Variants in GMDS observed in about 807,000 individuals in gnomAD.
GMDS encodes GDP-mannose 4,6-dehydratase.
In GMDS, 20 loss-of-function variants were observed where a neutral mutation model predicts 49.9. The observed-to-expected ratio is 0.40, with a 90% CI of 0.28 to 0.58. The LOEUF (loss-of-function observed/expected upper bound fraction) is 0.58, where lower values mean the gene tolerates loss of function less well. Among genes scored for constraint, GMDS ranks in the 20% least tolerant of loss-of-function variants. The pLI, the probability that GMDS is intolerant of heterozygous loss-of-function variation, is 0.42. For synonymous variants in GMDS, 177 were observed against 178.6 expected, an observed-to-expected ratio of 0.99 and a Z score of 0.07; for missense variants, 362 against 481.4, an observed-to-expected ratio of 0.75 and a Z score of 2.32.
At chr6:2,176,896 G>A (rs1778308564) in intron 1 of GMDS, among the ~76,000 whole-genome samples, 1 of 152,120 alleles carries the variant, frequency 6.6e-6, no homozygotes. Flanking sequence ...GAAAAGATGT[G>A]GCCATCAAGG....
intron 7 of GMDS, among the ~76,000 whole-genome samples, chr6:1,767,806 C>A (rs1289617644): frequency 2.2e-4 from 33 of 152,178 alleles, no homozygotes; most frequent in Non-Finnish European, 4.4e-5. Context: ...CATGAGATAA[C>A]TTTGGACTCT....
At chr6:2,056,100 A>T (rs1770761073) in intron 4 of GMDS, among the ~76,000 whole-genome samples, 1 of 152,166 alleles carries the variant, frequency 6.6e-6, no homozygotes, top group Admixed American at 6.5e-5. Flanking sequence ...CTGAACCAAA[A>T]CATTCTACTG....
At chr6:2,152,296 G>A (rs537609664) in intron 1 of GMDS, among the ~76,000 whole-genome samples, 88 of 152,176 alleles carry the variant, frequency 5.8e-4, no homozygotes, top group South Asian at 2.3e-3. Context: ...TTTAAAAAAC[G>A]TAGAATTTGT....
intron 1 of GMDS, among the ~76,000 whole-genome samples, chr6:2,236,147 G>A (rs1248850379): frequency 6.6e-6 from 1 of 152,110 alleles, no homozygotes; most frequent in South Asian, 2.1e-4. Flanking sequence ...TAAAAAATTG[G>A]GGTTTCCCAA....
chr6:1,890,045 G>A (rs1025867742), intron 7 of GMDS, among the ~76,000 whole-genome samples: 3 of 151,516 alleles, frequency 2.0e-5, no homozygotes, highest in African/African-American at 7.3e-5. Context: ...CCACTTTTTG[G>A]CTATTGTGAA....
chr6:1,962,572 T>C (rs1764015573), intron 4 of GMDS, among the ~76,000 whole-genome samples: 2 of 152,196 alleles, frequency 1.3e-5, no homozygotes, highest in Non-Finnish European at 2.9e-5. Context: ...TGGTCTTTTT[T>C]GTTATATCCA....
In GMDS at chr6:1,735,673, T is replaced by A. The variant is rs916141440; in HGVS notation, c.890+6795A>T. Reference sequence around the variant, plus strand: ...CTTTTCTCATGCCCTCCCACCCACCTGGAATGTCTTCCTCCTTCCTATCAT... The same window carrying A: ...CTTTTCTCATGCCCTCCCACCCACCAGGAATGTCTTCCTCCTTCCTATCAT... On this transcript the variant is annotated intron_variant, in intron 8 of 10. Transcript: ENST00000380815. Among the ~76,000 whole-genome samples, 3 of 152,284 alleles carry A rather than the reference T, an allele frequency of 2.0e-5. No individual in the cohort carries two copies. The East Asian group carries it at 5.8e-4, about 29-fold the overall frequency.
rs368072320 is a variant in GMDS at position 2,232,702 on chromosome 6, C to T, written c.102+12619G>A. Among the ~76,000 whole-genome samples, 45 of 152,296 alleles carry T rather than the reference C, an allele frequency of 3.0e-4. 1 individual carries two copies. The South Asian group carries it at 8.7e-3, about 29-fold the overall frequency. On this transcript the variant is annotated intron_variant, in intron 1 of 10. Transcript: ENST00000380815. Reference sequence around the variant, plus strand: ...ATGAGGAACAGCACCCAAAATCACGCTGCGGAACAGCTCTCAGAGAACAGC... The same window carrying T: ...ATGAGGAACAGCACCCAAAATCACGTTGCGGAACAGCTCTCAGAGAACAGC...
chr6:2,107,646 G>T (rs1481280411), intron 4 of GMDS, among the ~76,000 whole-genome samples: 1 of 152,208 alleles, frequency 6.6e-6, no homozygotes, highest in Non-Finnish European at 1.5e-5. Flanking sequence ...AGAAATGGGA[G>T]CTTGTAGAAC....
intron 4 of GMDS, among the ~76,000 whole-genome samples, chr6:2,020,672 C>T (rs188495931): frequency 3.2e-4 from 49 of 151,846 alleles, no homozygotes; most frequent in African/African-American, 1.1e-3. Context: ...AAAATGCTTA[C>T]TGAAATAGAA....
intron 4 of GMDS, among the ~76,000 whole-genome samples, chr6:2,086,550 T>A (rs140762626): frequency 2.0e-5 from 3 of 152,318 alleles, no homozygotes; most frequent in Non-Finnish European, 4.4e-5. Flanking sequence ...AAAGCTGCCG[T>A]TCTGCAGCTG....
chr6:2,036,038 C>T (rs914449570), intron 4 of GMDS, among the ~76,000 whole-genome samples: 1 of 152,124 alleles, frequency 6.6e-6, no homozygotes, highest in African/African-American at 2.4e-5. Context: ...CGCAGGGCAG[C>T]CTGGCCTGGG....
rs537036610 is a variant in GMDS at position 1,874,377 on chromosome 6, T to C, written c.771+55726A>G. ...AGTAAAAAGAGAGTTGGTCCCCTTA[T>C]ACTCAAGTACTATCAAAATCCCATG... On this transcript the variant is annotated intron_variant, in intron 7 of 10. Transcript: ENST00000380815. 2.6e-5 allele frequency among the ~76,000 whole-genome samples: 4 copies of C among 152,338 alleles called. No individual in the cohort carries two copies. The East Asian group carries it at 7.7e-4, about 29-fold the overall frequency.
intron 4 of GMDS, among the ~76,000 whole-genome samples, chr6:2,071,399 G>C (rs1335859411): frequency 6.6e-6 from 1 of 152,050 alleles, no homozygotes; most frequent in East Asian, 1.9e-4. Flanking sequence ...AGTTTGTCCT[G>C]TGTGAGACAC....
chr6:1,647,294 C>T (rs1763514712), intron 9 of GMDS, among the ~76,000 whole-genome samples: 1 of 152,166 alleles, frequency 6.6e-6, no homozygotes, highest in Non-Finnish European at 1.5e-5. Context: ...ATGGAGGCTG[C>T]AGGGCATTCG....
intron 9 of GMDS, among the ~76,000 whole-genome samples, chr6:1,723,859 G>A (rs1411370349): frequency 4.6e-5 from 7 of 152,148 alleles, no homozygotes; most frequent in African/African-American, 1.7e-4. Flanking sequence ...GAAGCTTGGT[G>A]CTTTTCAGGA....
At chr6:2,195,200 TC>T (rs1277134756) in intron 1 of GMDS, among the ~76,000 whole-genome samples, 3 of 152,238 alleles carry the variant, frequency 2.0e-5, no homozygotes, top group African/African-American at 7.2e-5. Flanking sequence ...CACTGTCTTT[TC>T]CTTTTTCTTC....
At chr6:2,003,801 T>G (rs1020377659) in intron 4 of GMDS, among the ~76,000 whole-genome samples, 1 of 152,176 alleles carries the variant, frequency 6.6e-6, no homozygotes, top group Admixed American at 6.5e-5. Context: ...TGCCCTGAGC[T>G]AGGGTCAGGG....
chr6:1,819,638 G>C lies in GMDS; in HGVS notation c.772-77052C>G, dbSNP rs1304356827. Reference sequence around the variant, plus strand: ...TAGCCAGGCGTGGGGGCAGGCGCCTGTCATCCCAGCTACTTGAAAGGGAGA... The same window carrying C: ...TAGCCAGGCGTGGGGGCAGGCGCCTCTCATCCCAGCTACTTGAAAGGGAGA... On this transcript the variant is annotated intron_variant, in intron 7 of 10. Coordinates refer to ENST00000380815, the MANE Select transcript of GMDS (RefSeq NM_001500.4). 6.6e-5 allele frequency among the ~76,000 whole-genome samples: 10 copies of C among 151,710 alleles called. No homozygotes were observed. The East Asian group carries it at 7.8e-4, about 12-fold the overall frequency.
Sources: allele counts gnomAD v4.1 joint callset (sites outside exome capture counted in the v4.1 genomes callset), GRCh38; gene constraint gnomAD v4.1.1; transcripts MANE v1.5; gene names NCBI Gene and HGNC (gene_info 2026-07-23, HGNC 2026-07-21).